SPON1: variants seen among roughly 807,000 people sequenced by gnomAD.
The protein encoded by SPON1 is spondin 1, also known as spondin-1.
In SPON1, 52 loss-of-function variants were observed where a neutral mutation model predicts 111.7. That is an observed-to-expected ratio of 0.47 (90% CI 0.37 to 0.59). The LOEUF is 0.59. SPON1 is among the 20% of genes least tolerant of loss of function. The pLI, the probability that SPON1 is intolerant of heterozygous loss-of-function variation, is 0.00. For synonymous variants in SPON1, 410 were observed against 395.8 expected, an observed-to-expected ratio of 1.04 and a Z score of -0.43; for missense variants, 957 against 1,068.5, an observed-to-expected ratio of 0.90 and a Z score of 1.46.
At chr11:14,068,386 A>G (rs1554920556) in intron 3 of SPON1, among the ~76,000 whole-genome samples, 2 of 152,178 alleles carry the variant, frequency 1.3e-5, no homozygotes, top group South Asian at 2.1e-4. Context: ...GAGAAATCCA[A>G]TGACCACACA....
intron 7 of SPON1, among the ~76,000 whole-genome samples, chr11:14,247,692 G>A (rs1229256241): frequency 1.3e-5 from 2 of 152,162 alleles, no homozygotes; most frequent in Non-Finnish European, 2.9e-5. Context: ...CAGTCAAGAT[G>A]TTTCCCATGT....
At chr11:14,215,119 G>T (rs1345650345) in intron 6 of SPON1, among the ~76,000 whole-genome samples, 1 of 151,966 alleles carries the variant, frequency 6.6e-6, no homozygotes, top group African/African-American at 2.4e-5. Flanking sequence ...TCACAAGCAG[G>T]ATTATAGCAC....
intron 5 of SPON1, among the ~76,000 whole-genome samples, chr11:14,083,582 C>G (rs111395468): frequency 6.6e-6 from 1 of 152,056 alleles, no homozygotes; most frequent in African/African-American, 2.4e-5. Flanking sequence ...TAACATCTTA[C>G]GTTGATCATT....
At chr11:14,241,166 CAG>C (rs782052661) in intron 6 of SPON1, among the ~76,000 whole-genome samples, 1 of 152,054 alleles carries the variant, frequency 6.6e-6, no homozygotes, top group Non-Finnish European at 1.5e-5. Flanking sequence ...GAGAAGGAGA[CAG>C]AAGGCAGGGT....
At chr11:13,974,714 C>T (rs1848088884) in intron 1 of SPON1, among the ~76,000 whole-genome samples, 2 of 152,140 alleles carry the variant, frequency 1.3e-5, no homozygotes, top group Admixed American at 1.3e-4. Flanking sequence ...CAACCTCCAG[C>T]CTGATCTTCC....
intron 10 of SPON1, 136 bp from the exon 11 acceptor site, chr11:14,257,580 T>C (rs939588000): frequency 3.0e-6 from 2 of 676,096 alleles, no homozygotes; most frequent in African/African-American, 1.8e-5. Flanking sequence ...GCTGCTTCCA[T>C]CCCAGGAGCA....
intron 14 of SPON1, among the ~76,000 whole-genome samples, chr11:14,261,508 T>C (rs1256978935): frequency 1.3e-5 from 2 of 152,206 alleles, no homozygotes; most frequent in East Asian, 1.9e-4. Flanking sequence ...AAATACTTCC[T>C]AGGTTGCTCT....
At chr11:14,160,993 T>C (rs1293684200) in intron 6 of SPON1, among the ~76,000 whole-genome samples, 4 of 45,330 alleles carry the variant, frequency 8.8e-5, no homozygotes, top group South Asian at 7.7e-4. Context: ...TTATATATAT[T>C]TTTATATATT....
intron 6 of SPON1, among the ~76,000 whole-genome samples, chr11:14,213,582 G>C (rs59075970): frequency 6.6e-6 from 1 of 152,076 alleles, no homozygotes; most frequent in African/African-American, 2.4e-5. Context: ...TATTTATTGA[G>C]CACTTTCTAT....
At chr11:14,071,742 C>T (rs763334641) in intron 3 of SPON1, among the ~76,000 whole-genome samples, 5 of 151,904 alleles carry the variant, frequency 3.3e-5, no homozygotes, top group Non-Finnish European at 7.4e-5. Flanking sequence ...GACGGAGTCT[C>T]CCTCTGTCAT....
At chr11:14,094,289 C>A (rs1042034235) in intron 5 of SPON1, among the ~76,000 whole-genome samples, 5 of 151,428 alleles carry the variant, frequency 3.3e-5, no homozygotes, top group Admixed American at 6.6e-5. Flanking sequence ...GAATTATTTC[C>A]TTGAAATAAT....
intron 6 of SPON1, among the ~76,000 whole-genome samples, chr11:14,164,138 G>A (rs781887654): frequency 1.9e-4 from 29 of 152,270 alleles, no homozygotes; most frequent in South Asian, 1.0e-3. Context: ...TTCAGCCACC[G>A]TTAACCGTTA....
chr11:14,022,541 C>T (rs1230995333), intron 2 of SPON1, among the ~76,000 whole-genome samples: 2 of 152,176 alleles, frequency 1.3e-5, no homozygotes, highest in African/African-American at 2.4e-5. Context: ...TTAGTACAGT[C>T]GTGTGGTCCT....
chr11:14,178,432 A>G (rs1848203799), intron 6 of SPON1, among the ~76,000 whole-genome samples: 1 of 152,082 alleles, frequency 6.6e-6, no homozygotes, highest in Non-Finnish European at 1.5e-5. Context: ...AAAAAAAAAA[A>G]AAAAAGGAAG....
At chr11:14,170,995 G>T (rs1399793178) in intron 6 of SPON1, among the ~76,000 whole-genome samples, 2 of 152,220 alleles carry the variant, frequency 1.3e-5, no homozygotes, top group Non-Finnish European at 2.9e-5. Flanking sequence ...GTGTCAGGAT[G>T]ACGCTGGCCT....
chr11:14,238,016 A>T (rs1012940655), intron 6 of SPON1, among the ~76,000 whole-genome samples: 3 of 152,204 alleles, frequency 2.0e-5, no homozygotes, highest in African/African-American at 7.2e-5. Flanking sequence ...CTGTGAAACT[A>T]ATTTGGCCAA....
intron 5 of SPON1, among the ~76,000 whole-genome samples, chr11:14,130,749 T>A (rs4757228): frequency 0.78 from 118,087 of 151,902 alleles, 46,706 homozygotes; most frequent in African/African-American, 0.93. Context: ...TTGCAGAACC[T>A]TCTGAGTATA....
intron 5 of SPON1, among the ~76,000 whole-genome samples, chr11:14,104,014 A>C (rs1319355769): frequency 1.3e-5 from 2 of 152,182 alleles, no homozygotes; most frequent in Non-Finnish European, 2.9e-5. Flanking sequence ...TTTATCACAT[A>C]ATTAACAGTT....
intron 5 of SPON1, among the ~76,000 whole-genome samples, chr11:14,129,241 A>G (rs530801248): frequency 5.3e-4 from 80 of 152,214 alleles, no homozygotes; most frequent in African/African-American, 1.8e-3. Context: ...CCTTTTAAAC[A>G]TAAGTTCCAA....
Sources: allele counts gnomAD v4.1 joint callset (sites outside exome capture counted in the v4.1 genomes callset), GRCh38; gene constraint gnomAD v4.1.1; transcripts MANE v1.5; gene names NCBI Gene and HGNC (gene_info 2026-07-23, HGNC 2026-07-21).